The following LARGE1 variants were observed in gnomAD, a reference collection of about 807,000 sequenced individuals.
LARGE1 encodes the protein LARGE xylosyl- and glucuronyltransferase 1.
In LARGE1, 43 loss-of-function variants were observed where a neutral mutation model predicts 87.6. The ratio of observed to expected loss-of-function variants is 0.49; its 90% CI spans 0.38 to 0.63. LARGE1 has a LOEUF of 0.63. Ranked by LOEUF, LARGE1 falls within the 30% of genes least tolerant of loss-of-function variation. The probability of loss-of-function intolerance (pLI) is 0.00; values close to 1 mark genes in which losing one functional copy is unlikely to be tolerated. For synonymous variants in LARGE1, 434 were observed against 394.6 expected (o/e 1.10, Z -1.18); for missense variants, 802 against 1,000.2 (o/e 0.80, Z 2.67).
intron 1 of LARGE1, among the ~76,000 whole-genome samples, chr22:33,769,304 G>A (rs1398067609): frequency 6.6e-5 from 10 of 152,088 alleles, no homozygotes; most frequent in Admixed American, 5.9e-4. Flanking sequence ...GACTAAGAGA[G>A]GCTAAAGACA....
chr22:33,385,324 G>C (rs975133659), intron 7 of LARGE1, among the ~76,000 whole-genome samples: 1 of 147,012 alleles, frequency 6.8e-6, no homozygotes, highest in East Asian at 2.0e-4. Context: ...GATCACCTGA[G>C]GTCAGATTAG....
chr22:33,738,593 C>T (rs2083747684), intron 2 of LARGE1, among the ~76,000 whole-genome samples: 1 of 152,178 alleles, frequency 6.6e-6, no homozygotes, highest in Non-Finnish European at 1.5e-5. Flanking sequence ...GGCGCGGTGG[C>T]TCACGCCTGT....
intron 2 of LARGE1, among the ~76,000 whole-genome samples, chr22:33,678,643 C>T (rs2081651675): frequency 6.6e-6 from 1 of 152,186 alleles, no homozygotes; most frequent in African/African-American, 2.4e-5. Context: ...TTCTCTCTTT[C>T]CTGCTTCTCC....
At chr22:33,220,373 GA>G (rs1165098743) in intron 11 of LARGE1, among the ~76,000 whole-genome samples, 2 of 152,074 alleles carry the variant, frequency 1.3e-5, no homozygotes, top group East Asian at 1.9e-4. Flanking sequence ...TTTAAAACGT[GA>G]AAAAAATCAA....
chr22:33,421,210 AAATC>A (rs146615068), intron 7 of LARGE1, among the ~76,000 whole-genome samples: 51,930 of 141,428 alleles, frequency 0.37, 9,255 homozygotes, highest in African/African-American at 0.43. Context: ...AAATAAAATA[AAATC>A]AATCAATCAA....
At chr22:33,082,193 C>T in the LARGE1 span, among the ~76,000 whole-genome samples, 12 of 152,198 alleles carry the variant, frequency 7.9e-5, no homozygotes, top group East Asian at 2.1e-3. Flanking sequence ...TCTACTGCCG[C>T]ACTGATTATA....
intron 1 of LARGE1, among the ~76,000 whole-genome samples, chr22:33,905,442 A>G (rs1279628426): frequency 6.6e-6 from 1 of 152,082 alleles, no homozygotes; most frequent in Non-Finnish European, 1.5e-5. Context: ...TTCATCCTCA[A>G]CTACACAATT....
chr22:33,802,267 G>A (rs914318421), intron 1 of LARGE1, among the ~76,000 whole-genome samples: 1 of 152,148 alleles, frequency 6.6e-6, no homozygotes, highest in Non-Finnish European at 1.5e-5. Context: ...ACTGCAAATG[G>A]CTCAGAACAG....
intron 1 of LARGE1, among the ~76,000 whole-genome samples, chr22:33,844,800 A>C (rs1024982536): frequency 2.7e-5 from 4 of 150,866 alleles, no homozygotes; most frequent in Admixed American, 1.3e-4. Flanking sequence ...GGCTCACTGC[A>C]ACCTCCGCCT....
At chr22:33,429,261 A>AT (rs1411148926) in intron 7 of LARGE1, among the ~76,000 whole-genome samples, 4 of 152,180 alleles carry the variant, frequency 2.6e-5, no homozygotes, top group South Asian at 2.1e-4. Context: ...CGTGAAAGCC[A>AT]TTTTTTTGCA....
intron 1 of LARGE1, among the ~76,000 whole-genome samples, chr22:33,776,490 T>G (rs1487126291): frequency 3.3e-5 from 5 of 152,214 alleles, no homozygotes; most frequent in African/African-American, 1.2e-4. Context: ...GACTACAGCT[T>G]CAAGAAGGCT....
chr22:33,715,808 C>T (rs901655173), intron 2 of LARGE1, among the ~76,000 whole-genome samples: 5 of 152,210 alleles, frequency 3.3e-5, no homozygotes, highest in African/African-American at 9.7e-5. Flanking sequence ...AAAGTTGTCA[C>T]GCTCACAGGA....
At chr22:33,494,117 T>A (rs1011134485) in intron 6 of LARGE1, among the ~76,000 whole-genome samples, 9 of 152,252 alleles carry the variant, frequency 5.9e-5, no homozygotes, top group Non-Finnish European at 1.0e-4. Context: ...CACTAATTTA[T>A]AGACAGCATT....
intron 11 of LARGE1, among the ~76,000 whole-genome samples, chr22:33,237,437 G>GA (rs34109679): frequency 3.5e-3 from 523 of 148,206 alleles, no homozygotes; most frequent in Non-Finnish European, 5.7e-3. Flanking sequence ...ACTTTACTAG[G>GA]AAAAAAAAGA....
chr22:33,453,155 G>A (rs571241077), intron 6 of LARGE1, among the ~76,000 whole-genome samples: 3 of 152,336 alleles, frequency 2.0e-5, no homozygotes, highest in East Asian at 3.9e-4. Flanking sequence ...GGTGGCTCAC[G>A]CCTGTAATCC....
At chr22:33,318,022 G>T (rs1204947088) in intron 10 of LARGE1, among the ~76,000 whole-genome samples, 1 of 151,886 alleles carries the variant, frequency 6.6e-6, no homozygotes. Context: ...GGATCACGAG[G>T]TCAGGAGTTT....
chr22:33,640,588 G>A (rs973307605), intron 3 of LARGE1, among the ~76,000 whole-genome samples: 4 of 152,016 alleles, frequency 2.6e-5, no homozygotes. Flanking sequence ...AGACAGAATC[G>A]TTCACTCCCC....
chr22:33,183,620 G>GCACGCACACACACA (rs1555880674), intron 11 of LARGE1, among the ~76,000 whole-genome samples: 3 of 137,832 alleles, frequency 2.2e-5, no homozygotes, highest in African/African-American at 8.8e-5. Flanking sequence ...ACACACACAC[G>GCACGCACACACACA]CACACACACA....
Position 33,287,445 on chromosome 22 carries a change from C to T in LARGE1, c.1731-4097G>A, listed in dbSNP as rs549713642. On this transcript the variant is annotated intron_variant, in intron 12 of 14. Coordinates refer to ENST00000397394, the MANE Select transcript of LARGE1 (RefSeq NM_133642.5). ...AACTGCCACAAAGATGGATCTGTCACCAGATAGATCTATTTCAGAGTCAGT... is the reference window on the plus strand; with the variant it reads ...AACTGCCACAAAGATGGATCTGTCATCAGATAGATCTATTTCAGAGTCAGT... Among the ~76,000 whole-genome samples, 133 of 152,318 alleles carry T rather than the reference C, an allele frequency of 8.7e-4. 2 individuals carry two copies. The highest frequency in any genetic ancestry group is 3.2e-3 in the African/African-American group (132 of 41,566).
Sources: gnomAD v4.1 joint callset for allele counts (sites outside exome capture counted in the v4.1 genomes callset) on GRCh38, gnomAD v4.1.1 for gene constraint, MANE v1.5 for transcripts, NCBI Gene and HGNC (gene_info 2026-07-23, HGNC 2026-07-21) for gene names.